NSD1: variants seen among roughly 807,000 people sequenced by gnomAD.
NSD1 encodes histone-lysine N-methyltransferase, H3 lysine-36 specific.
Under a neutral mutation model 242.7 loss-of-function variants are expected in NSD1, and 26 were observed. That is an observed-to-expected ratio of 0.11 (90% CI 0.08 to 0.15). The LOEUF is 0.15. NSD1 is among the 10% of genes least tolerant of loss of function. The probability of loss-of-function intolerance (pLI) is 1.00; values close to 1 mark genes in which losing one functional copy is unlikely to be tolerated. For missense variants in NSD1, 2,495 were observed against 3,272.8 expected (o/e 0.76, Z 5.80); for synonymous variants, 1,106 against 1,178.1 (o/e 0.94, Z 1.25).
At chr5:177,151,386 T>G (rs1231516835) in intron 2 of NSD1, among the ~76,000 whole-genome samples, 1 of 151,946 alleles carries the variant, frequency 6.6e-6, no homozygotes, top group Non-Finnish European at 1.5e-5. Flanking sequence ...TCAGTCTTTT[T>G]TATTTTTATT....
rs940191830 is a variant in NSD1 at position 177,238,991 on chromosome 5, A to T, written c.4192+484A>T. ...ACCAGTTCATTAGAAGTTAATTACCAGTTACTTCTCACTTGATCATTCTTT... is the reference window on the plus strand; with the variant it reads ...ACCAGTTCATTAGAAGTTAATTACCTGTTACTTCTCACTTGATCATTCTTT... On this transcript the variant is annotated intron_variant, in intron 7 of 22. Coordinates refer to ENST00000439151, the MANE Select transcript of NSD1 (RefSeq NM_022455.5). The surrounding 1 kb of genome is among the most constrained non-coding windows in gnomAD (Gnocchi z 4.6). Among the ~76,000 whole-genome samples the T allele has an allele frequency of 1.3e-5, 2 of 152,248 alleles. No homozygotes were observed. The highest frequency in any genetic ancestry group is 2.9e-5 in the Non-Finnish European group (2 of 68,044).
chr5:177,253,676 A>G (rs908686155), intron 12 of NSD1, among the ~76,000 whole-genome samples: 9 of 150,220 alleles, frequency 6.0e-5, no homozygotes, highest in African/African-American at 2.2e-4. Context: ...TCTGTCGCCT[A>G]GTCTGGAGTA....
At chr5:177,249,034 G>T (rs1361541583) in intron 11 of NSD1, among the ~76,000 whole-genome samples, 1 of 152,170 alleles carries the variant, frequency 6.6e-6, no homozygotes, top group Non-Finnish European at 1.5e-5. Flanking sequence ...TAACCATTTT[G>T]TTGGATTGCC....
intron 2 of NSD1, 169 bp downstream of exon 2, chr5:177,136,199 C>T (rs1279808457): frequency 4.8e-6 from 3 of 622,748 alleles, no homozygotes; most frequent in Admixed American, 2.7e-5. Flanking sequence ...TTAAATTTAT[C>T]TCTGTTGTAT....
intron 19 of NSD1, among the ~76,000 whole-genome samples, chr5:177,283,585 T>C (rs1759067643): frequency 6.6e-6 from 1 of 152,208 alleles, no homozygotes; most frequent in Admixed American, 6.5e-5. Flanking sequence ...AACCCAGGAA[T>C]TTGCATGTCT....
intron 2 of NSD1, among the ~76,000 whole-genome samples, chr5:177,159,783 G>C (rs1170250595): frequency 6.7e-6 from 1 of 149,910 alleles, no homozygotes; most frequent in Non-Finnish European, 1.5e-5. Flanking sequence ...TTAGAGATGG[G>C]GTTTCTCCGT....
At chr5:177,231,899 T>A (rs1256330578) in intron 5 of NSD1, among the ~76,000 whole-genome samples, 1 of 152,080 alleles carries the variant, frequency 6.6e-6, no homozygotes, top group Admixed American at 6.6e-5. Flanking sequence ...TTATATATAT[T>A]ATTATTATTT....
chr5:177,182,354 AC>A (rs1312431088), intron 2 of NSD1, among the ~76,000 whole-genome samples: 1 of 152,172 alleles, frequency 6.6e-6, no homozygotes, highest in Non-Finnish European at 1.5e-5. Context: ...AGAAATTGCC[AC>A]AGCCATTCTG....
intron 14 of NSD1, chr5:177,265,864 C>T: frequency 6.8e-7 from 1 of 1,471,740 alleles, no homozygotes; most frequent in Non-Finnish European, 9.5e-7. Context: ...AGTCATTCTG[C>T]TTCACTTGCA....
chr5:177,284,080 C>T, intron 20 of NSD1, 152 bp downstream of exon 20: 1 of 923,096 alleles, frequency 1.1e-6, no homozygotes, highest in Non-Finnish European at 1.7e-6. Context: ...ACCATCACCA[C>T]CATCCGTCTC....
At chr5:177,180,708 AG>A (rs1326281952) in intron 2 of NSD1, among the ~76,000 whole-genome samples, 1 of 151,676 alleles carries the variant, frequency 6.6e-6, no homozygotes, top group East Asian at 1.9e-4. Flanking sequence ...TTTGAGATGG[AG>A]TCTCGCTCTG....
At chr5:177,164,137 G>A (rs546330034) in intron 2 of NSD1, among the ~76,000 whole-genome samples, 15 of 145,090 alleles carry the variant, frequency 1.0e-4, no homozygotes, top group Admixed American at 6.7e-4. Context: ...GTTCTTCACA[G>A]GAAAATGTAA....
At chr5:177,177,988 G>A (rs563607358) in intron 2 of NSD1, among the ~76,000 whole-genome samples, 29 of 152,148 alleles carry the variant, frequency 1.9e-4, no homozygotes, top group African/African-American at 6.3e-4. Context: ...TCCACCTTCC[G>A]GGTTCAAGTG....
At chr5:177,228,089 C>T (rs1764773993) in intron 5 of NSD1, among the ~76,000 whole-genome samples, 2 of 151,796 alleles carry the variant, frequency 1.3e-5, no homozygotes, top group Admixed American at 1.3e-4. Flanking sequence ...ACAGTAGTCT[C>T]CCTTTATCTA....
chr5:177,225,699 A>G (rs1199455972), intron 5 of NSD1, among the ~76,000 whole-genome samples: 1 of 152,188 alleles, frequency 6.6e-6, no homozygotes, highest in Non-Finnish European at 1.5e-5. Flanking sequence ...GTTAAAGCAG[A>G]TGATGTCTTT....
intron 18 of NSD1, among the ~76,000 whole-genome samples, 174 bp from the exon 19 acceptor site, chr5:177,282,291 G>A (rs148987050): frequency 8.5e-5 from 13 of 152,224 alleles, no homozygotes; most frequent in Non-Finnish European, 1.3e-4. Flanking sequence ...GTAAGGAGGT[G>A]TTTCTCATTA....
chr5:177,229,992 C>G lies in NSD1; in HGVS notation c.3797-5829C>G, dbSNP rs565781039. 6 of 160,662 alleles carry G rather than the reference C, an allele frequency of 3.7e-5. No individual in the cohort carries two copies. In the South Asian group the frequency reaches 8.7e-4, roughly 23 times the overall value. 10.0% of individuals were successfully genotyped at this position (160,662 alleles called of 1,614,324 possible). A position where few individuals can be genotyped will look rare whatever the true frequency, so the allele number is the denominator to read the frequency against. On this transcript the variant is annotated intron_variant, in intron 5 of 22. Transcript: ENST00000439151. ...CTCCCGACTTCAAGTGATCTGCTGG[C>G]TTCAGCCTCCCAAAGTGCTGAGATT...
chr5:177,178,825 CAA>C (rs899546166), intron 2 of NSD1, among the ~76,000 whole-genome samples: 2 of 151,440 alleles, frequency 1.3e-5, no homozygotes, highest in African/African-American at 4.9e-5. Context: ...ATGAATAAGA[CAA>C]AAAAAATGAA....
chr5:177,260,410 A>G (rs561942840), intron 14 of NSD1, among the ~76,000 whole-genome samples: 89 of 140,828 alleles, frequency 6.3e-4, no homozygotes, highest in African/African-American at 2.1e-3. Context: ...GCTATGGCAC[A>G]ATCTCAGCTA....
Sources: gnomAD v4.1 joint callset for allele counts (sites outside exome capture counted in the v4.1 genomes callset) on GRCh38, gnomAD v4.1.1 for gene constraint, Gnocchi (gnomAD v3.1) non-coding constraint, MANE v1.5 for transcripts, NCBI Gene and HGNC (gene_info 2026-07-23, HGNC 2026-07-21) for gene names.